Variants in CDC42BPA observed in about 807,000 individuals in gnomAD.
CDC42BPA encodes CDC42 binding protein kinase alpha.
A neutral mutation model predicts 223.5 loss-of-function variants in CDC42BPA; 80 were observed. The observed-to-expected ratio is 0.36, with a 90% CI of 0.30 to 0.43. CDC42BPA has a LOEUF of 0.43. Ranked by LOEUF, CDC42BPA falls within the 20% of genes least tolerant of loss-of-function variation. CDC42BPA has a pLI of 1.00. For synonymous variants in CDC42BPA, 694 were observed against 718.6 expected (o/e 0.97, Z 0.55); for missense variants, 1,743 against 2,099.9 (o/e 0.83, Z 3.32).
At chr1:227,288,279 G>A (rs781565985) in intron 1 of CDC42BPA, among the ~76,000 whole-genome samples, 6 of 152,164 alleles carry the variant, frequency 3.9e-5, no homozygotes, top group Non-Finnish European at 5.9e-5. Flanking sequence ...GGAGGCAGAG[G>A]TGGGAGGATC....
chr1:227,052,128 TAGGGA>T (rs1473510794), intron 21 of CDC42BPA, 143 bp from the exon 22 acceptor site: 29 of 415,136 alleles, frequency 7.0e-5, no homozygotes, highest in Non-Finnish European at 1.4e-4. Flanking sequence ...ATATTCACGT[TAGGGA>T]TACATCATTA....
chr1:227,229,119 T>A (rs889675401), intron 2 of CDC42BPA, among the ~76,000 whole-genome samples: 5 of 152,200 alleles, frequency 3.3e-5, no homozygotes, highest in Non-Finnish European at 7.4e-5. Context: ...AATTTACACC[T>A]ATGTTTCCTT....
At chr1:227,222,569 G>A (rs1402979565) in intron 2 of CDC42BPA, among the ~76,000 whole-genome samples, 3 of 152,148 alleles carry the variant, frequency 2.0e-5, no homozygotes, top group Non-Finnish European at 2.9e-5. Context: ...TCACACCCCC[G>A]TTCCAGAGAG....
At chr1:227,016,434 A>G (rs929567009) in intron 33 of CDC42BPA, among the ~76,000 whole-genome samples, 6 of 152,208 alleles carry the variant, frequency 3.9e-5, no homozygotes, top group Non-Finnish European at 8.8e-5. Context: ...AATACTTAAG[A>G]CATCAAAGAA....
chr1:227,240,973 A>C (rs1390208418), intron 2 of CDC42BPA, among the ~76,000 whole-genome samples: 1 of 152,076 alleles, frequency 6.6e-6, no homozygotes, highest in Non-Finnish European at 1.5e-5. Flanking sequence ...AATATTGCTA[A>C]AACATCTGAC....
At position 226,994,280 on chromosome 1, in the gene CDC42BPA, G is replaced by A; in HGVS notation, c.5253C>T (p.Ser1751=). ...GTGCTGAGGCAGCTCACGGGTCCCA[G>A]CTCCCGCGGTCAGTGCTCTCCAGGG... The part of the protein sequence containing the change: ...SLSLESTDRG[S]WDP Residue 1751 remains serine, a synonymous_variant, in exon 37 of 37, where the codon AGC becomes AGT. Transcript: ENST00000366766. The surrounding 1 kb of genome is among the most constrained non-coding windows in gnomAD (Gnocchi z 4.0). 6.3e-7 allele frequency: 1 copy of A among 1,583,302 alleles called. No individual in the cohort carries two copies. Among genetic ancestry groups the A allele is most frequent in the Non-Finnish European group, 8.6e-7 (1 of 1,162,542 alleles).
intron 10 of CDC42BPA, among the ~76,000 whole-genome samples, chr1:227,131,501 T>G (rs569579400): frequency 3.9e-5 from 6 of 152,242 alleles, no homozygotes; most frequent in Non-Finnish European, 5.9e-5. Flanking sequence ...TCTGGGTCTC[T>G]GGATATGTGC....
At chr1:227,200,579 C>T (rs1671594158) in intron 3 of CDC42BPA, among the ~76,000 whole-genome samples, 1 of 149,916 alleles carries the variant, frequency 6.7e-6, no homozygotes. Context: ...CTATGGCGTA[C>T]CATTGTTTGA....
chr1:227,302,445 ACT>A (rs1395612817), intron 1 of CDC42BPA, among the ~76,000 whole-genome samples: 6 of 152,152 alleles, frequency 3.9e-5, no homozygotes, highest in African/African-American at 1.4e-4. Context: ...AAATATGAAC[ACT>A]GTCTTCTAGC....
At chr1:227,238,038 CAAA>C (rs35731369) in intron 2 of CDC42BPA, among the ~76,000 whole-genome samples, 5 of 91,282 alleles carry the variant, frequency 5.5e-5, no homozygotes, top group Admixed American at 1.3e-4. Context: ...AACTCTGTCT[CAAA>C]AAAAAAAAAA....
chr1:227,286,152 CTTCT>C (rs139421466), intron 1 of CDC42BPA, among the ~76,000 whole-genome samples: 3,168 of 152,290 alleles, frequency 0.021, 122 homozygotes, highest in African/African-American at 0.072. Context: ...ACACTTCTTC[CTTCT>C]TTACTACTGC....
intron 3 of CDC42BPA, among the ~76,000 whole-genome samples, chr1:227,202,606 C>A (rs536064602): frequency 7.9e-5 from 12 of 151,982 alleles, no homozygotes; most frequent in Non-Finnish European, 1.5e-4. Context: ...ATCTGTTTAA[C>A]TAAAAAAATT....
intron 19 of CDC42BPA, among the ~76,000 whole-genome samples, chr1:227,073,351 A>G (rs551702266): frequency 3.3e-5 from 5 of 152,284 alleles, no homozygotes; most frequent in Admixed American, 3.3e-4. Flanking sequence ...TAACTGCTTC[A>G]GAGACTGTGG....
At chr1:227,181,462 A>G (rs973328665) in intron 5 of CDC42BPA, among the ~76,000 whole-genome samples, 2 of 152,104 alleles carry the variant, frequency 1.3e-5, no homozygotes, top group Non-Finnish European at 2.9e-5. Context: ...AGCTATTTCA[A>G]TTTTTTGAAG....
At chr1:227,086,771 A>T (rs1014061560) in intron 16 of CDC42BPA, among the ~76,000 whole-genome samples, 10 of 151,690 alleles carry the variant, frequency 6.6e-5, no homozygotes, top group Non-Finnish European at 1.5e-5. Flanking sequence ...GACTCACATA[A>T]ATCCTCCCGT....
At chr1:227,181,102 T>C (rs1260977162) in intron 5 of CDC42BPA, among the ~76,000 whole-genome samples, 1 of 152,224 alleles carries the variant, frequency 6.6e-6, no homozygotes, top group Non-Finnish European at 1.5e-5. Flanking sequence ...AAACTGCCTA[T>C]GCAGCAAATC....
chr1:227,303,576 G>A (rs143902639), intron 1 of CDC42BPA, among the ~76,000 whole-genome samples: 37 of 152,240 alleles, frequency 2.4e-4, no homozygotes, highest in African/African-American at 8.4e-4. Context: ...TCAATCCTCT[G>A]TACTTTAGCC....
chr1:227,101,042 G>A lies in CDC42BPA; in HGVS notation c.2199C>T (p.Asn733=), dbSNP rs1428252612. The change falls in exon 15 of 37, where the codon AAC becomes AAT. Residue 733 remains asparagine (N), a synonymous_variant. Transcript: ENST00000366766. ...HDSEGQQLAL[N]KEIMILKDKL... is the part of the protein sequence containing the mutation. ...TGTCTTTTAAAATCATAATTTCTTTGTTGAGAGCAAGTTGCTGACCTTCTG... is the reference window on the plus strand; with the variant it reads ...TGTCTTTTAAAATCATAATTTCTTTATTGAGAGCAAGTTGCTGACCTTCTG... 1.3e-6 allele frequency: 2 copies of A among 1,556,034 alleles called. No individual in the cohort carries two copies. Among genetic ancestry groups the A allele is most frequent in the Non-Finnish European group, 1.8e-6 (2 of 1,130,450 alleles).
At chr1:227,000,374 C>T (rs1174996517) in intron 35 of CDC42BPA, among the ~76,000 whole-genome samples, 1 of 152,074 alleles carries the variant, frequency 6.6e-6, no homozygotes, top group Non-Finnish European at 1.5e-5. Flanking sequence ...AGTTTTCTTC[C>T]AATTCCTTGT....
Sources: gnomAD v4.1 joint callset for allele counts (sites outside exome capture counted in the v4.1 genomes callset) on GRCh38, gnomAD v4.1.1 for gene constraint, Gnocchi (gnomAD v3.1) non-coding constraint, MANE v1.5 for transcripts, NCBI Gene and HGNC (gene_info 2026-07-23, HGNC 2026-07-21) for gene names.